Variants in PSD3 observed in about 807,000 individuals in gnomAD.
The protein encoded by PSD3 is pleckstrin and Sec7 domain containing 3, also known as PH and SEC7 domain-containing protein 3.
A neutral mutation model predicts 105.5 loss-of-function variants in PSD3; 49 were observed. That is an observed-to-expected ratio of 0.46 (90% CI 0.37 to 0.59). The LOEUF is 0.59. Ranked by LOEUF, PSD3 falls within the 20% of genes least tolerant of loss-of-function variation. The pLI, the probability that PSD3 is intolerant of heterozygous loss-of-function variation, is 0.00. For synonymous variants in PSD3, 557 were observed against 457.8 expected, an observed-to-expected ratio of 1.22 and a Z score of -2.77; for missense variants, 1,561 against 1,263.8, an observed-to-expected ratio of 1.24 and a Z score of -3.57.
chr8:18,714,530 C>A (rs1235332096), intron 9 of PSD3, among the ~76,000 whole-genome samples: 1 of 151,246 alleles, frequency 6.6e-6, no homozygotes, highest in Non-Finnish European at 1.5e-5. Context: ...ATGAAAAAAA[C>A]CCTCAATATC....
In PSD3 at chr8:18,828,254, G is replaced by A. The variant is rs188716390; in HGVS notation, c.1635-23356C>T. ...TCCAGCTTTCTACTTTTTCTCCTAA[G>A]CCAACTATAGAAAGCAGCCAAAAAT... On this transcript the variant is annotated intron_variant, in intron 4 of 15. Coordinates refer to ENST00000327040, the MANE Select transcript of PSD3 (RefSeq NM_015310.4). Among the ~76,000 whole-genome samples the A allele has an allele frequency of 2.3e-3, 344 of 151,330 alleles. 1 individual carries two copies. Among genetic ancestry groups the A allele is most frequent in the African/African-American group, 7.6e-3 (315 of 41,238 alleles).
At chr8:18,750,191 G>A (rs1406446008) in intron 9 of PSD3, among the ~76,000 whole-genome samples, 1 of 152,170 alleles carries the variant, frequency 6.6e-6, no homozygotes. Context: ...GTCCGGAATT[G>A]GTGGGTTCTT....
intron 1 of PSD3, among the ~76,000 whole-genome samples, chr8:19,004,629 T>A (rs547713064): frequency 6.6e-6 from 1 of 152,234 alleles, no homozygotes; most frequent in East Asian, 1.9e-4. Context: ...TCAAAGGATC[T>A]GAATAGACAC....
intron 2 of PSD3, among the ~76,000 whole-genome samples, chr8:18,924,174 G>C (rs910636285): frequency 2.0e-5 from 3 of 152,066 alleles, no homozygotes; most frequent in African/African-American, 7.2e-5. Context: ...AAAAACCCTA[G>C]CCAAAGAGAA....
rs958431417 is a variant in PSD3, at chr8:18,723,616, A to G, written c.2172+41833T>C. Among the ~76,000 whole-genome samples, 3 of 152,334 alleles carry G rather than the reference A, an allele frequency of 2.0e-5. No individual in the cohort carries two copies. The Middle Eastern group carries it at 0.01, about 518-fold the overall frequency. ...ACCCTGTTCCTTCTGTATCTCCAGTACCATCTCTCCCGAGGCCTTCCATAC... is the reference window on the plus strand; with the variant it reads ...ACCCTGTTCCTTCTGTATCTCCAGTGCCATCTCTCCCGAGGCCTTCCATAC... On this transcript the variant is annotated intron_variant, in intron 9 of 15. Transcript: ENST00000327040.
intron 4 of PSD3, among the ~76,000 whole-genome samples, chr8:18,863,477 A>C (rs1816604158): frequency 6.6e-6 from 1 of 152,052 alleles, no homozygotes; most frequent in Admixed American, 6.6e-5. Context: ...TCATTGATAT[A>C]TTGTGTTCCA....
In PSD3 at chr8:18,671,724, T is replaced by C. The variant is rs543768824; in HGVS notation, c.2173-16039A>G. On this transcript the variant is annotated intron_variant, in intron 9 of 15. Transcript: ENST00000327040. ...TCCGCTCACTGCAAGCTCCGCCTCC[T>C]GGGTTCACGCCATTCTCCTGCCTCA... Among the ~76,000 whole-genome samples the C allele has an allele frequency of 2.7e-3, 404 of 152,046 alleles. 1 individual carries two copies. The highest frequency in any genetic ancestry group is 4.6e-3 in the Non-Finnish European group (315 of 67,960).
intron 9 of PSD3, chr8:18,683,855 C>G (rs1044133105): frequency 2.6e-6 from 2 of 765,196 alleles, no homozygotes; most frequent in African/African-American, 3.4e-5. Context: ...GGATAGAATC[C>G]TCCCGGGAGT....
At chr8:18,866,602 C>G (rs934253041) in intron 4 of PSD3, among the ~76,000 whole-genome samples, 4 of 152,076 alleles carry the variant, frequency 2.6e-5, no homozygotes, top group Admixed American at 1.3e-4. Context: ...GTAAGACAAC[C>G]AATATCCACA....
chr8:18,770,254 T>C (rs752401029), intron 8 of PSD3, among the ~76,000 whole-genome samples: 6 of 152,224 alleles, frequency 3.9e-5, no homozygotes, highest in Non-Finnish European at 5.9e-5. Flanking sequence ...GTGCTAATTA[T>C]CCATTTGCAT....
chr8:18,763,079 G>C, intron 9 of PSD3: 1 of 474,588 alleles, frequency 2.1e-6, no homozygotes, highest in Non-Finnish European at 4.1e-6. Flanking sequence ...AAAATGACAT[G>C]GAACAACAGA....
intron 8 of PSD3, among the ~76,000 whole-genome samples, chr8:18,782,788 A>C (rs1379030288): frequency 1.3e-5 from 2 of 152,196 alleles, no homozygotes; most frequent in Non-Finnish European, 2.9e-5. Context: ...TTTGGGTGCC[A>C]GCAGTTAGGG....
At chr8:18,971,913 G>T (rs1292593585) in intron 1 of PSD3, among the ~76,000 whole-genome samples, 1 of 152,100 alleles carries the variant, frequency 6.6e-6, no homozygotes, top group Admixed American at 6.6e-5. Context: ...GCTGAGGTAG[G>T]AGAATCGCTT....
intron 14 of PSD3, among the ~76,000 whole-genome samples, chr8:18,565,356 C>A (rs981375705): frequency 6.6e-6 from 1 of 152,062 alleles, no homozygotes; most frequent in Non-Finnish European, 1.5e-5. Flanking sequence ...GTCTTTCCAC[C>A]CCCAATAGAA....
intron 9 of PSD3, among the ~76,000 whole-genome samples, chr8:18,759,202 T>C (rs1563232345): frequency 6.6e-6 from 1 of 151,974 alleles, no homozygotes; most frequent in Non-Finnish European, 1.5e-5. Flanking sequence ...AAGCAATTTC[T>C]ATAAAAAAAC....
intron 14 of PSD3, among the ~76,000 whole-genome samples, chr8:18,565,060 A>C (rs1801650218): frequency 6.6e-6 from 1 of 152,174 alleles, no homozygotes; most frequent in Non-Finnish European, 1.5e-5. Context: ...ACAGGTTCCT[A>C]CAGTGTAGGG....
chr8:18,618,508 G>A (rs938062499), intron 11 of PSD3, among the ~76,000 whole-genome samples: 2 of 140,242 alleles, frequency 1.4e-5, no homozygotes, highest in Non-Finnish European at 3.2e-5. Flanking sequence ...TTCTATTGCT[G>A]TATCTATCAT....
chr8:18,552,733 G>C (rs1800843681), intron 15 of PSD3, among the ~76,000 whole-genome samples: 1 of 152,190 alleles, frequency 6.6e-6, no homozygotes, highest in Admixed American at 6.5e-5. Context: ...GGAAATGATG[G>C]TGAGTTTCTC....
At position 18,527,614 on chromosome 8, in the gene PSD3, A is replaced by C. The variant is rs1008824096; in HGVS notation, c.*8129T>G. 1 of 152,694 alleles carries C rather than the reference A, an allele frequency of 6.5e-6. No individual in the cohort carries two copies. The highest frequency in any genetic ancestry group is 2.4e-5 in the African/African-American group (1 of 41,464). The allele number at this position is 152,694 out of a possible 1,614,324, so 9.5% of individuals were successfully genotyped here. A position where few individuals can be genotyped will look rare whatever the true frequency, so the allele number is the denominator to read the frequency against. On this transcript the variant is annotated 3_prime_UTR_variant, in exon 16 of 16. Coordinates refer to ENST00000327040, the MANE Select transcript of PSD3 (RefSeq NM_015310.4). The stretch of plus-strand genomic sequence containing the variant: ...TGAAATAGGGTAATATTTATATACA[A>C]CTATTTTAATAAAAAATAAAGCAAT...
Sources: gnomAD v4.1 joint callset for allele counts (sites outside exome capture counted in the v4.1 genomes callset) on GRCh38, gnomAD v4.1.1 for gene constraint, MANE v1.5 for transcripts, NCBI Gene and HGNC (gene_info 2026-07-23, HGNC 2026-07-21) for gene names.